FANK1: variants seen among roughly 807,000 people sequenced by gnomAD.
FANK1 encodes the protein fibronectin type III and ankyrin repeat domains 1.
FANK1 carries 44 observed loss-of-function variants against 45.3 expected under a neutral mutation model. The observed-to-expected ratio is 0.97, with a 90% CI of 0.76 to 1.25. FANK1 has a LOEUF of 1.25. FANK1 is among the 50% of genes most tolerant of loss of function. FANK1 has a pLI of 0.00. For missense variants in FANK1, 391 were observed against 424.4 expected, an observed-to-expected ratio of 0.92 and a Z score of 0.69; for synonymous variants, 149 against 152.5, an observed-to-expected ratio of 0.98 and a Z score of 0.17.
chr10:125,959,763 T>C (rs1463189714), intron 1 of FANK1, among the ~76,000 whole-genome samples: 2 of 152,218 alleles, frequency 1.3e-5, no homozygotes, highest in Non-Finnish European at 2.9e-5. Context: ...TAAAAATATT[T>C]GTCAGGAGCA....
At chr10:125,927,842 G>A (rs112176894) in intron 1 of FANK1, among the ~76,000 whole-genome samples, 2 of 152,054 alleles carry the variant, frequency 1.3e-5, no homozygotes, top group African/African-American at 4.8e-5. Flanking sequence ...CACTGTGCCC[G>A]GCCCTAAACT....
At chr10:125,976,778 A>G (rs929553992) in intron 1 of FANK1, among the ~76,000 whole-genome samples, 5 of 152,078 alleles carry the variant, frequency 3.3e-5, no homozygotes, top group African/African-American at 1.2e-4. Flanking sequence ...GCCTGCCACT[A>G]TGCCTGGCTA....
At chr10:125,952,792 G>T (rs1195289027) in intron 1 of FANK1, among the ~76,000 whole-genome samples, 1 of 136,382 alleles carries the variant, frequency 7.3e-6, no homozygotes, top group Non-Finnish European at 1.5e-5. Flanking sequence ...TGCCCAGCAG[G>T]AAATACATAC....
At chr10:125,929,891 A>C (rs986817113) in intron 1 of FANK1, among the ~76,000 whole-genome samples, 2 of 152,152 alleles carry the variant, frequency 1.3e-5, no homozygotes, top group African/African-American at 4.8e-5. Context: ...GTTACAAGGC[A>C]ATTTACGGCA....
chr10:125,956,763 G>T (rs938604213), intron 1 of FANK1, among the ~76,000 whole-genome samples: 3 of 152,142 alleles, frequency 2.0e-5, no homozygotes, highest in Non-Finnish European at 2.9e-5. Context: ...GAGAATATCC[G>T]ACAAGCCAGA....
chr10:125,993,730 CTTTTA>C (rs985866016), intron 3 of FANK1, among the ~76,000 whole-genome samples: 1 of 152,136 alleles, frequency 6.6e-6, no homozygotes, highest in African/African-American at 2.4e-5. Flanking sequence ...TATCGTGCGA[CTTTTA>C]TTTGACACTT....
At chr10:125,919,247 G>A (rs150346882) in intron 1 of FANK1, among the ~76,000 whole-genome samples, 1 of 100,468 alleles carries the variant, frequency 1.0e-5, no homozygotes, top group South Asian at 3.6e-4. Context: ...GCTCTGTCCC[G>A]CAGGCTGGAG....
At chr10:125,897,102 C>A (rs1944599619) in intron 1 of FANK1, among the ~76,000 whole-genome samples, 1 of 152,290 alleles carries the variant, frequency 6.6e-6, no homozygotes, top group African/African-American at 2.4e-5. Flanking sequence ...TTATTAGAGA[C>A]CCCGTCTTAC....
At chr10:125,991,293 T>C (rs556647269) in intron 3 of FANK1, among the ~76,000 whole-genome samples, 2 of 111,900 alleles carry the variant, frequency 1.8e-5, no homozygotes, top group Non-Finnish European at 4.0e-5. Context: ...GGAGTGATCC[T>C]GGCCATTTCA....
At chr10:125,990,979 C>A (rs2134213128) in intron 3 of FANK1, among the ~76,000 whole-genome samples, 1 of 152,292 alleles carries the variant, frequency 6.6e-6, no homozygotes. Context: ...CATGGGAAAG[C>A]CCCACCCCCA....
chr10:125,900,372 T>C lies in FANK1; in HGVS notation c.13+3717T>C, dbSNP rs531533830. On this transcript the variant is annotated intron_variant, in intron 1 of 10. Transcript: ENST00000368693. ...TTTTGTCCTTTTTTTTTTTTCTTTT[T>C]TTGGAAAATAGTTCAATAGTACTAT... Among the ~76,000 whole-genome samples, 55 of 152,198 alleles carry C rather than the reference T, an allele frequency of 3.6e-4. No individual in the cohort carries two copies. The East Asian group carries it at 7.5e-3, about 21-fold the overall frequency.
Position 126,005,066 on chromosome 10 carries a change from G to A in FANK1, c.705+17G>A. ...GGCTGTGAGGTACGGGACCTGCCTT[G>A]TTAACCACGCACATATCGTTAAGAA... On this transcript the variant is annotated intron_variant, in intron 7 of 10. Coordinates refer to ENST00000368693, the MANE Select transcript of FANK1 (RefSeq NM_145235.5). The A allele has an allele frequency of 6.2e-7, 1 of 1,608,634 alleles. No homozygotes were observed. Among genetic ancestry groups the A allele is most frequent in the East Asian group, 2.2e-5 (1 of 44,726 alleles).
intron 3 of FANK1, chr10:125,994,646 G>C (rs1952184771): frequency 1.0e-6 from 1 of 985,278 alleles, no homozygotes; most frequent in African/African-American, 1.7e-5. Context: ...TTTAAAATCA[G>C]AAGGTGTAGA....
At chr10:125,995,561 C>T (rs1293480941) in intron 4 of FANK1, 63 bp downstream of exon 4, 2 of 1,463,616 alleles carry the variant, frequency 1.4e-6, no homozygotes, top group Middle Eastern at 1.7e-4. Flanking sequence ...GAAATACATG[C>T]AGTAGTTTCA....
chr10:125,978,050 A>G (rs1409061878), intron 1 of FANK1, among the ~76,000 whole-genome samples: 2 of 151,630 alleles, frequency 1.3e-5, no homozygotes, highest in Non-Finnish European at 2.9e-5. Flanking sequence ...GTGAGGAGAT[A>G]TGGACAAGTC....
At chr10:126,008,588 G>T in intron 8 of FANK1, 38 bp downstream of exon 8, 2 of 1,580,066 alleles carry the variant, frequency 1.3e-6, no homozygotes, top group South Asian at 2.4e-5. Context: ...TTTTCTACGT[G>T]GAATTAATGT....
intron 1 of FANK1, among the ~76,000 whole-genome samples, chr10:125,971,816 G>A (rs975266641): frequency 6.6e-6 from 1 of 152,038 alleles, no homozygotes; most frequent in Admixed American, 6.6e-5. Flanking sequence ...TAGAGACAGG[G>A]TTTCACCATG....
chr10:125,964,110 C>T lies in FANK1; in HGVS notation c.14-16051C>T, dbSNP rs944025545. Among the ~76,000 whole-genome samples, 13 of 150,752 alleles carry T rather than the reference C, an allele frequency of 8.6e-5. No individual in the cohort carries two copies. The East Asian group carries it at 2.6e-3, about 30-fold the overall frequency. ...ATTGCTGACAAAATTATTTTTCTTT[C>T]ATCCTATTTTTCCTCTTCCTCTGTC... On this transcript the variant is annotated intron_variant, in intron 1 of 10. Transcript: ENST00000368693.
At chr10:125,944,780 T>A (rs1168891463) in intron 1 of FANK1, among the ~76,000 whole-genome samples, 1 of 152,230 alleles carries the variant, frequency 6.6e-6, no homozygotes, top group African/African-American at 2.4e-5. Context: ...TCCCTTCCTT[T>A]CCCATAAGGG....
Sources: gnomAD v4.1 joint callset for allele counts (sites outside exome capture counted in the v4.1 genomes callset) on GRCh38, gnomAD v4.1.1 for gene constraint, MANE v1.5 for transcripts, NCBI Gene and HGNC (gene_info 2026-07-23, HGNC 2026-07-21) for gene names.